The following PELI2 variants were observed in gnomAD, a reference collection of about 807,000 sequenced individuals.
The protein encoded by PELI2 is E3 ubiquitin-protein ligase pellino homolog 2.
Under a neutral mutation model 42.3 loss-of-function variants are expected in PELI2, and 23 were observed. The ratio of observed to expected loss-of-function variants is 0.54; its 90% CI spans 0.39 to 0.77. The LOEUF (loss-of-function observed/expected upper bound fraction) is 0.77, where lower values mean the gene tolerates loss of function less well. Ranked by LOEUF, PELI2 falls within the 30% of genes least tolerant of loss-of-function variation. The pLI, the probability that PELI2 is intolerant of heterozygous loss-of-function variation, is 0.00. For missense variants in PELI2, 463 were observed against 553.2 expected, an observed-to-expected ratio of 0.84 and a Z score of 1.64; for synonymous variants, 245 against 212.2, an observed-to-expected ratio of 1.15 and a Z score of -1.34.
At chr14:56,258,114 C>T (rs534050650) in intron 2 of PELI2, among the ~76,000 whole-genome samples, 3 of 152,250 alleles carry the variant, frequency 2.0e-5, no homozygotes, top group Admixed American at 1.3e-4. Flanking sequence ...CCAGGGAAAT[C>T]GGATAGAGTC....
chr14:56,125,483 TA>T (rs1362062588), intron 1 of PELI2, among the ~76,000 whole-genome samples: 2 of 151,848 alleles, frequency 1.3e-5, no homozygotes, highest in African/African-American at 2.4e-5. Context: ...TTGGACAAAA[TA>T]ATCAGGAAAA....
chr14:56,294,588 T>C (rs1889938405), intron 5 of PELI2, among the ~76,000 whole-genome samples: 1 of 152,196 alleles, frequency 6.6e-6, no homozygotes, highest in South Asian at 2.1e-4. Flanking sequence ...CATGGTTCTT[T>C]TCCTCCACCC....
intron 1 of PELI2, among the ~76,000 whole-genome samples, chr14:56,160,246 A>G (rs1884708514): frequency 6.6e-6 from 1 of 152,156 alleles, no homozygotes; most frequent in Non-Finnish European, 1.5e-5. Context: ...TTACCTCCCC[A>G]CACCACACTG....
At chr14:56,224,481 G>A (rs1445302994) in intron 2 of PELI2, among the ~76,000 whole-genome samples, 1 of 152,134 alleles carries the variant, frequency 6.6e-6, no homozygotes, top group Admixed American at 6.5e-5. Context: ...CAGAAACTTA[G>A]CTGGTAAAAT....
At chr14:56,173,802 C>T (rs963722084) in intron 1 of PELI2, among the ~76,000 whole-genome samples, 11 of 152,312 alleles carry the variant, frequency 7.2e-5, no homozygotes, top group East Asian at 1.9e-4. Flanking sequence ...TAGGACCTAT[C>T]GACCTAACAG....
Position 56,259,652 on chromosome 14 carries a change from A to T in PELI2, c.208-20024A>T, listed in dbSNP as rs1053705606. ...ATGAAACTTCCTTACTTGATAAAGGATGTTTTTGAAAAACTTAACAGGTAA... is the reference window on the plus strand; with the variant it reads ...ATGAAACTTCCTTACTTGATAAAGGTTGTTTTTGAAAAACTTAACAGGTAA... On this transcript the variant is annotated intron_variant, in intron 2 of 5. Transcript: ENST00000267460. Among the ~76,000 whole-genome samples, 3 of 152,178 alleles carry T rather than the reference A, an allele frequency of 2.0e-5. No homozygotes were observed. In the East Asian group the frequency reaches 5.8e-4, roughly 29 times the overall value.
chr14:56,164,379 A>T (rs1365252909), intron 1 of PELI2, among the ~76,000 whole-genome samples: 2 of 152,114 alleles, frequency 1.3e-5, no homozygotes, highest in African/African-American at 4.8e-5. Flanking sequence ...CTTGCATCCC[A>T]GGAATAAATC....
intron 1 of PELI2, among the ~76,000 whole-genome samples, chr14:56,122,646 T>G (rs1883105224): frequency 6.6e-6 from 1 of 152,164 alleles, no homozygotes; most frequent in Non-Finnish European, 1.5e-5. Flanking sequence ...TTATTGGCTC[T>G]CTCAACCAAG....
chr14:56,224,274 A>G (rs1200031912), intron 2 of PELI2, among the ~76,000 whole-genome samples: 1 of 152,226 alleles, frequency 6.6e-6, no homozygotes, highest in Non-Finnish European at 1.5e-5. Flanking sequence ...CAGACCTCAT[A>G]GAGACGTGAT....
intron 2 of PELI2, among the ~76,000 whole-genome samples, chr14:56,232,264 C>T (rs1887609968): frequency 6.6e-6 from 1 of 152,118 alleles, no homozygotes; most frequent in Admixed American, 6.5e-5. Flanking sequence ...TTTTATGAGG[C>T]CAGCATCATC....
At position 56,256,100 on chromosome 14, in the gene PELI2, ATGATGGAG is replaced by A. The variant is rs1231164713; in HGVS notation, c.208-23574_208-23567del. 4.6e-5 allele frequency among the ~76,000 whole-genome samples: 7 copies of A among 152,284 alleles called. No homozygotes were observed. In the East Asian group the frequency reaches 1.4e-3, roughly 29 times the overall value. On this transcript the variant is annotated intron_variant, in intron 2 of 5. Coordinates refer to ENST00000267460, the MANE Select transcript of PELI2 (RefSeq NM_021255.3). ...CTTAACTCCTGTGTCATCGGTGCTC[ATGATGGAG>A]TCAGTTTAGGTTAGGCAAGACAAAA...
chr14:56,236,447 C>CTT (rs1272907787), intron 2 of PELI2, among the ~76,000 whole-genome samples: 1 of 152,194 alleles, frequency 6.6e-6, no homozygotes, highest in Non-Finnish European at 1.5e-5. Context: ...TTCTAGCTGG[C>CTT]TTTGAGTATT....
At chr14:56,221,599 A>C (rs768629949) in intron 2 of PELI2, among the ~76,000 whole-genome samples, 20 of 152,236 alleles carry the variant, frequency 1.3e-4, no homozygotes, top group Non-Finnish European at 1.9e-4. Context: ...GACTAGGCCA[A>C]AACACACACC....
intron 2 of PELI2, among the ~76,000 whole-genome samples, chr14:56,230,626 G>C (rs1370078499): frequency 6.6e-6 from 1 of 152,100 alleles, no homozygotes; most frequent in Non-Finnish European, 1.5e-5. Context: ...GGAACAACTG[G>C]TACCAGCCAC....
At chr14:56,250,662 C>T (rs1452129049) in intron 2 of PELI2, among the ~76,000 whole-genome samples, 2 of 152,166 alleles carry the variant, frequency 1.3e-5, no homozygotes, top group Non-Finnish European at 2.9e-5. Flanking sequence ...AGCAAGTCTC[C>T]TCATTCCACT....
chr14:56,262,741 C>G (rs1344231544), intron 2 of PELI2, among the ~76,000 whole-genome samples: 1 of 152,130 alleles, frequency 6.6e-6, no homozygotes, highest in Non-Finnish European at 1.5e-5. Flanking sequence ...CCTGATCTAA[C>G]TCTCTCCCCT....
In PELI2 at chr14:56,297,047, T is replaced by G; in HGVS notation, c.1144T>G (p.Ser382Ala). Residue 382 changes from serine (S) to alanine (A), a missense_variant, in exon 6 of 6, where the codon TCT (serine) becomes GCT (alanine). Physicochemically the swap from Ser to Ala is moderately conservative, Grantham distance 99. This residue lies in a region of PELI2 where 103 missense variants were observed against 129.6 expected (regional missense o/e 0.80). Coordinates refer to ENST00000267460, the MANE Select transcript of PELI2 (RefSeq NM_021255.3). ...CTCGGAGAAGTCTGCAAAATACTGG[T>G]CTCAGATCCCGTTGCCTCATGGAAC... is the stretch of plus-strand genomic sequence containing the variant. Reference protein sequence around the residue: ...VCSEKSAKYWSQIPLPHGTHA... With the variant: ...VCSEKSAKYWAQIPLPHGTHA... 6.2e-7 allele frequency: 1 copy of G among 1,613,734 alleles called. No homozygotes were observed. Among genetic ancestry groups the G allele is most frequent in the African/African-American group, 1.3e-5 (1 of 75,048 alleles).
At chr14:56,274,366 C>T (rs944304559) in intron 2 of PELI2, among the ~76,000 whole-genome samples, 2 of 152,160 alleles carry the variant, frequency 1.3e-5, no homozygotes, top group African/African-American at 4.8e-5. Context: ...GTTAGTTTCT[C>T]TATTGGCTTT....
chr14:56,266,867 A>G (rs1022653597), intron 2 of PELI2, among the ~76,000 whole-genome samples: 16 of 152,100 alleles, frequency 1.1e-4, no homozygotes, highest in Non-Finnish European at 2.2e-4. Flanking sequence ...TAAATAAACC[A>G]TGCTGCATCT....
Sources: allele counts gnomAD v4.1 joint callset (sites outside exome capture counted in the v4.1 genomes callset), GRCh38; gene constraint gnomAD v4.1.1; regional missense constraint gnomAD v4.1.1; transcripts MANE v1.5; gene names NCBI Gene and HGNC (gene_info 2026-07-23, HGNC 2026-07-21).